Variants in RIN2 observed in about 807,000 individuals in gnomAD.
RIN2 encodes the protein RAB5 interacting protein 2.
A neutral mutation model predicts 78.0 loss-of-function variants in RIN2; 36 were observed. The ratio of observed to expected loss-of-function variants is 0.46; its 90% CI spans 0.35 to 0.61. The LOEUF is 0.61. Among genes scored for constraint, RIN2 ranks in the 20% least tolerant of loss-of-function variants. RIN2 has a pLI of 0.00. For synonymous variants in RIN2, 466 were observed against 466.8 expected, an observed-to-expected ratio of 1.00 and a Z score of 0.02; for missense variants, 1,087 against 1,159.7, an observed-to-expected ratio of 0.94 and a Z score of 0.91.
At position 19,825,546 on chromosome 20, in the gene RIN2, G is replaced by T. The variant is rs142558556; in HGVS notation, c.-37+25799G>T. Reference sequence around the variant, plus strand: ...CAGGTTCCTGTTCTCTCACTTCCTGGGTTCTTTCCTTACCTCAATCCAGTG... The same window carrying T: ...CAGGTTCCTGTTCTCTCACTTCCTGTGTTCTTTCCTTACCTCAATCCAGTG... On this transcript the variant is annotated intron_variant, in intron 2 of 12. Transcript: ENST00000255006. Among the ~76,000 whole-genome samples the T allele has an allele frequency of 2.5e-3, 386 of 152,258 alleles. 3 individuals are homozygous for T. Among genetic ancestry groups the T allele is most frequent in the African/African-American group, 9.0e-3 (372 of 41,538 alleles).
At chr20:19,841,655 T>A (rs184906292) in intron 2 of RIN2, among the ~76,000 whole-genome samples, 600 of 152,196 alleles carry the variant, frequency 3.9e-3, no homozygotes, top group Non-Finnish European at 7.0e-3. Flanking sequence ...CTGGGACCAA[T>A]GAGAAAAAGC....
At chr20:19,804,680 C>G (rs930493858) in intron 2 of RIN2, among the ~76,000 whole-genome samples, 1 of 152,062 alleles carries the variant, frequency 6.6e-6, no homozygotes, top group Admixed American at 6.6e-5. Flanking sequence ...GTATCTCTGC[C>G]AGGTTTTGGT....
chr20:19,838,712 G>A (rs1302064214), intron 2 of RIN2, among the ~76,000 whole-genome samples: 2 of 152,116 alleles, frequency 1.3e-5, no homozygotes, highest in Admixed American at 6.5e-5. Context: ...TAAACCAATG[G>A]CCTGGATGAG....
In RIN2 at chr20:19,975,838, C is replaced by T; in HGVS notation, c.1762+51C>T. ...AAAATCTATTGTAACTCTGTCCGGG[C>T]AGTGCAACCTATGTTTGTTATTTTT... On this transcript the variant is annotated intron_variant, in intron 9 of 12. Coordinates refer to ENST00000255006, the MANE Select transcript of RIN2 (RefSeq NM_018993.4). The surrounding 1 kb of genome is among the most constrained non-coding windows in gnomAD (Gnocchi z 4.9). 1 of 1,476,814 alleles carries T rather than the reference C, an allele frequency of 6.8e-7. No individual in the cohort carries two copies. 91.5% of individuals were successfully genotyped at this position (1,476,814 alleles called of 1,614,324 possible). A position where few individuals can be genotyped will look rare whatever the true frequency, so the allele number is the denominator to read the frequency against.
At chr20:19,852,169 G>T (rs368239995) in intron 2 of RIN2, among the ~76,000 whole-genome samples, 1 of 152,166 alleles carries the variant, frequency 6.6e-6, no homozygotes, top group Non-Finnish European at 1.5e-5. Context: ...ACATCAAAGG[G>T]CAGGGAAATA....
chr20:19,903,972 C>T (rs954562433), intron 3 of RIN2, among the ~76,000 whole-genome samples: 13 of 152,112 alleles, frequency 8.5e-5, no homozygotes, highest in East Asian at 3.9e-4. Flanking sequence ...CTGGATGGGC[C>T]GGGCGCCATG....
intron 3 of RIN2, among the ~76,000 whole-genome samples, chr20:19,914,159 C>T (rs1183461558): frequency 6.6e-6 from 1 of 152,186 alleles, no homozygotes; most frequent in Non-Finnish European, 1.5e-5. Context: ...ATCAAGCAAA[C>T]TAGTTGTCAG....
chr20:19,995,047 G>A (rs1009657966), intron 11 of RIN2, among the ~76,000 whole-genome samples: 1 of 152,062 alleles, frequency 6.6e-6, no homozygotes, highest in African/African-American at 2.4e-5. Context: ...TGTCCAGCAC[G>A]AGTTTGCAGG....
intron 3 of RIN2, among the ~76,000 whole-genome samples, chr20:19,913,420 T>C (rs181034246): frequency 2.4e-3 from 366 of 152,330 alleles, no homozygotes; most frequent in African/African-American, 8.2e-3. Context: ...AGTGCTGAGA[T>C]TACAGACATG....
intron 3 of RIN2, among the ~76,000 whole-genome samples, chr20:19,924,305 C>CCA (rs1285008789): frequency 2.2e-5 from 1 of 44,480 alleles, no homozygotes; most frequent in Non-Finnish European, 3.9e-5. Flanking sequence ...CTCCATACTC[C>CCA]ACCTTCATAC....
chr20:19,961,244 A>T (rs76361814), intron 6 of RIN2, among the ~76,000 whole-genome samples: 3 of 152,322 alleles, frequency 2.0e-5, no homozygotes, highest in East Asian at 1.9e-4. Context: ...ATCCCTGAGC[A>T]GACCTGTTCC....
intron 2 of RIN2, among the ~76,000 whole-genome samples, chr20:19,863,477 C>T (rs892447997): frequency 2.6e-5 from 4 of 152,154 alleles, no homozygotes; most frequent in African/African-American, 9.7e-5. Flanking sequence ...TGATGGAAGT[C>T]AGCTGTATCA....
intron 5 of RIN2, among the ~76,000 whole-genome samples, chr20:19,959,474 A>G (rs1487559792): frequency 6.6e-6 from 1 of 152,182 alleles, no homozygotes; most frequent in Non-Finnish European, 1.5e-5. Flanking sequence ...CTACTGGATG[A>G]GTCCTATGGA....
At chr20:19,876,154 T>C (rs1262427819) in intron 2 of RIN2, among the ~76,000 whole-genome samples, 1 of 152,206 alleles carries the variant, frequency 6.6e-6, no homozygotes, top group Non-Finnish European at 1.5e-5. Flanking sequence ...TTTCTGAGTA[T>C]AGGAAAAGAG....
chr20:19,912,893 T>C (rs893460664), intron 3 of RIN2, among the ~76,000 whole-genome samples: 40 of 152,236 alleles, frequency 2.6e-4, no homozygotes, highest in African/African-American at 8.9e-4. Flanking sequence ...AAGGCACAGC[T>C]GAGGAAGCTG....
chr20:19,823,335 G>A, intron 2 of RIN2: 1 of 597,432 alleles, frequency 1.7e-6, no homozygotes, highest in Admixed American at 3.1e-5. Flanking sequence ...TTTCGTGGCT[G>A]TTTGTCATTC....
At chr20:19,831,151 A>G (rs945637113) in intron 2 of RIN2, among the ~76,000 whole-genome samples, 2 of 152,218 alleles carry the variant, frequency 1.3e-5, no homozygotes, top group African/African-American at 4.8e-5. Context: ...CCACCCTCCC[A>G]GGGCACCCAA....
At chr20:19,785,053 T>G (rs1469138237) in intron 1 of RIN2, among the ~76,000 whole-genome samples, 1 of 152,190 alleles carries the variant, frequency 6.6e-6, no homozygotes, top group East Asian at 1.9e-4. Context: ...GAAATTACAC[T>G]TCACTCTATC....
intron 1 of RIN2, among the ~76,000 whole-genome samples, chr20:19,775,298 C>G (rs1002905190): frequency 1.3e-5 from 2 of 152,206 alleles, no homozygotes; most frequent in African/African-American, 4.8e-5. Context: ...CAACTATGGT[C>G]TCCAAAGTCT....
Sources: gnomAD v4.1 joint callset for allele counts (sites outside exome capture counted in the v4.1 genomes callset) on GRCh38, gnomAD v4.1.1 for gene constraint, Gnocchi (gnomAD v3.1) non-coding constraint, MANE v1.5 for transcripts, NCBI Gene and HGNC (gene_info 2026-07-23, HGNC 2026-07-21) for gene names.